Variants in ADAMTS17 observed in about 807,000 individuals in gnomAD.
The protein encoded by ADAMTS17 is A disintegrin and metalloproteinase with thrombospondin motifs 17.
Under a neutral mutation model 141.5 loss-of-function variants are expected in ADAMTS17, and 113 were observed. The ratio of observed to expected loss-of-function variants is 0.80; its 90% CI spans 0.69 to 0.93. The LOEUF is 0.93. ADAMTS17 is among the 40% of genes least tolerant of loss of function. The probability of loss-of-function intolerance (pLI) is 0.00; values close to 1 mark genes in which losing one functional copy is unlikely to be tolerated. For synonymous variants in ADAMTS17, 768 were observed against 630.6 expected (o/e 1.22, Z -3.27); for missense variants, 1,659 against 1,517.9 (o/e 1.09, Z -1.54).
intron 15 of ADAMTS17, among the ~76,000 whole-genome samples, chr15:100,070,166 G>C (rs1733730639): frequency 2.0e-5 from 3 of 150,228 alleles, no homozygotes; most frequent in African/African-American, 7.4e-5. Context: ...TAATGGTAAA[G>C]GGATCAATTC....
At chr15:100,176,959 A>G (rs1295567002) in intron 8 of ADAMTS17, among the ~76,000 whole-genome samples, 2 of 152,190 alleles carry the variant, frequency 1.3e-5, no homozygotes, top group Non-Finnish European at 2.9e-5. Context: ...ATTCATTTTT[A>G]TTGCTAGGTG....
intron 8 of ADAMTS17, among the ~76,000 whole-genome samples, chr15:100,177,745 C>T (rs1247840434): frequency 6.6e-6 from 1 of 152,068 alleles, no homozygotes; most frequent in Non-Finnish European, 1.5e-5. Context: ...TTGAAAATAG[C>T]CTTTTAAAAT....
intron 3 of ADAMTS17, among the ~76,000 whole-genome samples, chr15:100,300,890 A>T (rs1488532294): frequency 6.6e-6 from 1 of 152,176 alleles, no homozygotes; most frequent in Non-Finnish European, 1.5e-5. Context: ...GGGTCCCTTA[A>T]TCTAAACCAC....
chr15:100,340,940 T>G, intron 2 of ADAMTS17, 99 bp downstream of exon 2: 1 of 1,489,330 alleles, frequency 6.7e-7, no homozygotes, highest in Admixed American at 2.0e-5. Flanking sequence ...CCCTGGAGGC[T>G]GGACTTCCAG....
At chr15:100,138,985 A>T (rs1023875578) in intron 10 of ADAMTS17, among the ~76,000 whole-genome samples, 4 of 152,204 alleles carry the variant, frequency 2.6e-5, no homozygotes, top group African/African-American at 9.6e-5. Flanking sequence ...GACTAGCTTG[A>T]AGGCGCATGG....
chr15:100,163,009 T>C (rs1248009987), intron 8 of ADAMTS17, among the ~76,000 whole-genome samples: 1 of 141,454 alleles, frequency 7.1e-6, no homozygotes, highest in Non-Finnish European at 1.5e-5. Context: ...TATATATGTG[T>C]ATATATAACT....
chr15:100,274,526 C>G (rs2044015696), intron 4 of ADAMTS17, among the ~76,000 whole-genome samples: 1 of 152,130 alleles, frequency 6.6e-6, no homozygotes. Flanking sequence ...ATTTCTTTTT[C>G]TATCCTTTCA....
intron 20 of ADAMTS17, among the ~76,000 whole-genome samples, chr15:99,977,400 AATTTTTTTTT>A (rs1469746184): frequency 4.0e-3 from 19 of 4,754 alleles, no homozygotes; most frequent in African/African-American, 8.7e-3. Context: ...ATATATATAT[AATTTTTTTTT>A]TTTTTTTTTT....
chr15:99,985,235 C>A (rs953899701), intron 20 of ADAMTS17, among the ~76,000 whole-genome samples: 2 of 152,254 alleles, frequency 1.3e-5, no homozygotes, highest in African/African-American at 4.8e-5. Context: ...TTGGTCACTG[C>A]CTTTCACGGG....
intron 6 of ADAMTS17, among the ~76,000 whole-genome samples, chr15:100,261,200 A>G (rs561990277): frequency 6.6e-6 from 1 of 152,314 alleles, no homozygotes; most frequent in East Asian, 1.9e-4. Context: ...TTATATTTAT[A>G]GGAAGAGGGA....
intron 14 of ADAMTS17, among the ~76,000 whole-genome samples, chr15:100,104,286 G>A (rs1330675939): frequency 6.6e-6 from 1 of 152,194 alleles, no homozygotes; most frequent in Admixed American, 6.5e-5. Flanking sequence ...TGATTTATAG[G>A]AGCTTGCTGA....
chr15:100,187,551 T>C (rs972769246), intron 8 of ADAMTS17, among the ~76,000 whole-genome samples: 3 of 152,346 alleles, frequency 2.0e-5, no homozygotes, highest in African/African-American at 7.2e-5. Flanking sequence ...TATGGTTTAC[T>C]CTGAACCCCC....
At chr15:100,072,907 G>C (rs1429589211) in intron 15 of ADAMTS17, among the ~76,000 whole-genome samples, 1 of 152,150 alleles carries the variant, frequency 6.6e-6, no homozygotes, top group Admixed American at 6.5e-5. Flanking sequence ...ATTGACAAAT[G>C]GGACAAAATT....
intron 18 of ADAMTS17, among the ~76,000 whole-genome samples, chr15:100,018,334 C>T (rs1475173699): frequency 3.3e-5 from 5 of 152,204 alleles, no homozygotes; most frequent in African/African-American, 1.2e-4. Context: ...AAAAAAATCA[C>T]TTAAGAAGAA....
intron 8 of ADAMTS17, among the ~76,000 whole-genome samples, chr15:100,168,906 C>T (rs2040053059): frequency 6.6e-6 from 1 of 152,204 alleles, no homozygotes; most frequent in African/African-American, 2.4e-5. Flanking sequence ...CCTCCCCTTG[C>T]CCCCCAGGTG....
chr15:100,182,991 C>T (rs1259079855), intron 8 of ADAMTS17, among the ~76,000 whole-genome samples: 1 of 151,712 alleles, frequency 6.6e-6, no homozygotes, highest in Admixed American at 6.6e-5. Context: ...GATTCTTTTT[C>T]TTTTTCTTTT....
intron 10 of ADAMTS17, 45 bp from the exon 11 acceptor site, chr15:100,133,360 C>T: frequency 1.3e-6 from 2 of 1,532,750 alleles, no homozygotes; most frequent in South Asian, 1.2e-5. Context: ...AACACCCACA[C>T]TCACAGGTCA....
chr15:100,103,618 G>A (rs902015598), intron 14 of ADAMTS17, among the ~76,000 whole-genome samples: 12 of 149,750 alleles, frequency 8.0e-5, no homozygotes, highest in South Asian at 2.1e-4. Context: ...TCTCTCTGTC[G>A]CCCAGGCTAG....
intron 2 of ADAMTS17, among the ~76,000 whole-genome samples, chr15:100,336,802 C>A (rs558210825): frequency 8.5e-4 from 130 of 152,242 alleles, no homozygotes; most frequent in Non-Finnish European, 1.4e-3. Flanking sequence ...GTAGTAACAT[C>A]CCAAACCTGC....
Sources: allele counts gnomAD v4.1 joint callset (sites outside exome capture counted in the v4.1 genomes callset), GRCh38; gene constraint gnomAD v4.1.1; transcripts MANE v1.5; gene names NCBI Gene and HGNC (gene_info 2026-07-23, HGNC 2026-07-21).